SMYD3: variants seen among roughly 807,000 people sequenced by gnomAD.
SMYD3 encodes SET and MYND domain containing 3.
SMYD3 carries 36 observed loss-of-function variants against 57.7 expected under a neutral mutation model. The observed-to-expected ratio is 0.62, with a 90% CI of 0.48 to 0.82. The LOEUF (loss-of-function observed/expected upper bound fraction) is 0.82. SMYD3 is among the 40% of genes least tolerant of loss of function. The probability of loss-of-function intolerance (pLI) is 0.00; values close to 1 mark genes in which losing one functional copy is unlikely to be tolerated. For synonymous variants in SMYD3, 211 were observed against 195.0 expected, an observed-to-expected ratio of 1.08 and a Z score of -0.68; for missense variants, 515 against 538.8, an observed-to-expected ratio of 0.96 and a Z score of 0.44.
chr1:245,913,669 TCAA>T (rs1243387460), intron 8 of SMYD3, among the ~76,000 whole-genome samples: 1 of 130,058 alleles, frequency 7.7e-6, no homozygotes, highest in Non-Finnish European at 1.7e-5. Context: ...AAGGAAACAC[TCAA>T]CAGAGTGAAG....
At chr1:246,323,740 T>G (rs6664255) in intron 5 of SMYD3, among the ~76,000 whole-genome samples, 21,270 of 152,134 alleles carry the variant, frequency 0.14, 1,828 homozygotes, top group East Asian at 0.3. Context: ...TACAACCCTG[T>G]GTCAAGAGTA....
chr1:245,964,677 A>G (rs1408888704), intron 5 of SMYD3, among the ~76,000 whole-genome samples: 1 of 152,204 alleles, frequency 6.6e-6, no homozygotes, highest in Admixed American at 6.5e-5. Flanking sequence ...ATTTTAACAG[A>G]CTTGAATAAT....
intron 5 of SMYD3, among the ~76,000 whole-genome samples, chr1:246,116,088 C>T (rs1334116835): frequency 3.3e-5 from 5 of 151,594 alleles, no homozygotes; most frequent in Admixed American, 1.3e-4. Flanking sequence ...TGCAGTGAGC[C>T]GAGATCATAC....
At chr1:246,273,160 T>TG (rs1380360830) in intron 5 of SMYD3, among the ~76,000 whole-genome samples, 20 of 140,298 alleles carry the variant, frequency 1.4e-4, no homozygotes, top group Non-Finnish European at 2.8e-4. Context: ...TTTCTTTTTT[T>TG]TGGGGGGGGG....
chr1:246,368,385 G>A (rs1240373872), intron 1 of SMYD3, among the ~76,000 whole-genome samples: 1 of 152,108 alleles, frequency 6.6e-6, no homozygotes, highest in African/African-American at 2.4e-5. Flanking sequence ...GAAGTTTCCT[G>A]GAATGGATAT....
At chr1:245,750,524 G>C (rs968620220) in intron 11 of SMYD3, among the ~76,000 whole-genome samples, 14 of 152,130 alleles carry the variant, frequency 9.2e-5, no homozygotes, top group African/African-American at 3.4e-4. Flanking sequence ...TGAAACACCA[G>C]ACATTGTAGA....
chr1:246,095,415 A>T (rs941190712), intron 5 of SMYD3, among the ~76,000 whole-genome samples: 1 of 152,266 alleles, frequency 6.6e-6, no homozygotes, highest in Non-Finnish European at 1.5e-5. Flanking sequence ...ACAACACAGC[A>T]GAGGAGTCAG....
At position 246,353,336 on chromosome 1, in the gene SMYD3, T is replaced by C. The variant is rs1331975112; in HGVS notation, c.228+1695A>G. On this transcript the variant is annotated intron_variant, in intron 2 of 11. Coordinates refer to ENST00000490107, the MANE Select transcript of SMYD3 (RefSeq NM_001167740.2). Reference sequence around the variant, plus strand: ...AGAGCTCAGGAGTTTAACATCAGCCTGGGCAAACAGTGAGATCTCGTCTCC... The same window carrying C: ...AGAGCTCAGGAGTTTAACATCAGCCCGGGCAAACAGTGAGATCTCGTCTCC... Among the ~76,000 whole-genome samples, 3 of 152,140 alleles carry C rather than the reference T, an allele frequency of 2.0e-5. No homozygotes were observed. In the East Asian group the frequency reaches 5.8e-4, roughly 29 times the overall value.
chr1:246,392,049 C>T (rs2066581362), intron 1 of SMYD3, among the ~76,000 whole-genome samples: 1 of 152,192 alleles, frequency 6.6e-6, no homozygotes, highest in African/African-American at 2.4e-5. Flanking sequence ...CAAATACCTA[C>T]AATAAAGCTC....
chr1:246,245,416 C>T (rs2063686408), intron 5 of SMYD3, among the ~76,000 whole-genome samples: 1 of 148,986 alleles, frequency 6.7e-6, no homozygotes, highest in African/African-American at 2.5e-5. Context: ...GTACTCTAGC[C>T]TGGGTGACAG....
chr1:246,462,956 TG>T (rs1462200474), intron 1 of SMYD3, among the ~76,000 whole-genome samples: 4 of 151,788 alleles, frequency 2.6e-5, no homozygotes, highest in Admixed American at 1.3e-4. Flanking sequence ...GGTGAGAAAC[TG>T]GGGGCCTGAA....
chr1:245,793,442 C>A (rs2047388780), intron 10 of SMYD3, among the ~76,000 whole-genome samples: 1 of 152,140 alleles, frequency 6.6e-6, no homozygotes, highest in Non-Finnish European at 1.5e-5. Context: ...GAATGAAAAC[C>A]GTTGTAGCCA....
intron 5 of SMYD3, among the ~76,000 whole-genome samples, chr1:245,967,769 G>C (rs1248539795): frequency 6.6e-6 from 1 of 152,196 alleles, no homozygotes; most frequent in Non-Finnish European, 1.5e-5. Flanking sequence ...GATAACGGCA[G>C]AGCATTAAAT....
At chr1:246,059,371 AGTATTCTATACT>A (rs2060211189) in intron 5 of SMYD3, among the ~76,000 whole-genome samples, 1 of 152,234 alleles carries the variant, frequency 6.6e-6, no homozygotes, top group Non-Finnish European at 1.5e-5. Flanking sequence ...GATGACTTTA[AGTATTCTATACT>A]AACAGAAGAA....
At chr1:246,196,722 T>C (rs772422189) in intron 5 of SMYD3, among the ~76,000 whole-genome samples, 10 of 152,182 alleles carry the variant, frequency 6.6e-5, no homozygotes, top group Admixed American at 3.9e-4. Context: ...AGTTGCTTAG[T>C]ATAGCAGCTC....
At chr1:246,125,083 A>C (rs1222381220) in intron 5 of SMYD3, among the ~76,000 whole-genome samples, 29,109 of 108,986 alleles carry the variant, frequency 0.27, 4,084 homozygotes, top group East Asian at 0.42. Flanking sequence ...AAAAAAAAAA[A>C]AAAAACACAC....
At chr1:245,883,518 A>C (rs1248222060) in intron 8 of SMYD3, among the ~76,000 whole-genome samples, 10 of 152,178 alleles carry the variant, frequency 6.6e-5, no homozygotes, top group African/African-American at 2.4e-4. Flanking sequence ...GGGGAAAAAA[A>C]CCCCAAAACA....
chr1:245,857,090 C>T (rs2051283655), intron 10 of SMYD3, among the ~76,000 whole-genome samples: 3 of 152,230 alleles, frequency 2.0e-5, no homozygotes, highest in African/African-American at 7.2e-5. Flanking sequence ...ACAGTCTCAG[C>T]CCTCAAGCCA....
At chr1:245,807,780 C>CGAGA (rs2148274088) in intron 10 of SMYD3, among the ~76,000 whole-genome samples, 1 of 150,530 alleles carries the variant, frequency 6.6e-6, no homozygotes, top group African/African-American at 2.5e-5. Flanking sequence ...AATCCTGTAA[C>CGAGA]TCTCAAGAGC....
Sources: gnomAD v4.1 joint callset for allele counts (sites outside exome capture counted in the v4.1 genomes callset) on GRCh38, gnomAD v4.1.1 for gene constraint, MANE v1.5 for transcripts, NCBI Gene and HGNC (gene_info 2026-07-23, HGNC 2026-07-21) for gene names.